Variants in SH3RF2 observed in about 807,000 individuals in gnomAD.
SH3RF2 encodes E3 ubiquitin-protein ligase SH3RF2.
In SH3RF2, 43 loss-of-function variants were observed where a neutral mutation model predicts 59.0. The observed-to-expected ratio is 0.73, with a 90% confidence interval of 0.57 to 0.94. The LOEUF (loss-of-function observed/expected upper bound fraction) is 0.94, where lower values mean the gene tolerates loss of function less well. Ranked by LOEUF, SH3RF2 falls within the 40% of genes least tolerant of loss-of-function variation. The probability of loss-of-function intolerance (pLI) is 0.00; values close to 1 mark genes in which losing one functional copy is unlikely to be tolerated. For missense variants in SH3RF2, 930 were observed against 940.1 expected (o/e 0.99, Z 0.14); for synonymous variants, 391 against 391.5 (o/e 1.00, Z 0.01).
intron 5 of SH3RF2, among the ~76,000 whole-genome samples, chr5:146,039,491 A>G (rs1762054010): frequency 6.6e-6 from 1 of 152,152 alleles, no homozygotes. Flanking sequence ...ATATTTGAAA[A>G]AAAAAAACAA....
intron 2 of SH3RF2, among the ~76,000 whole-genome samples, chr5:145,944,386 C>T (rs912601249): frequency 1.3e-5 from 2 of 149,326 alleles, no homozygotes; most frequent in Non-Finnish European, 1.5e-5. Flanking sequence ...GGTCTCATTC[C>T]GTCACAGTGC....
intron 5 of SH3RF2, among the ~76,000 whole-genome samples, chr5:146,028,816 A>G (rs1177093742): frequency 6.6e-6 from 1 of 152,202 alleles, no homozygotes; most frequent in African/African-American, 2.4e-5. Context: ...ACATGGGAGA[A>G]TAGAAGGGCT....
rs750353445 is a variant in SH3RF2 at position 146,047,807 on chromosome 5, A to G, written c.1095A>G (p.Gly365=). 1 of 1,614,120 alleles carries G rather than the reference A, an allele frequency of 6.2e-7. No homozygotes were observed. ...STYHPAPVSP[G]HSTAVVSLPG... ...ATCACCCCGCACCTGTCTCTCCAGG[A>G]CATTCCACAGCCGTGGTCAGTCTGC... The change falls in exon 6 of 10, where the codon GGA becomes GGG. Residue 365 remains glycine (G), a synonymous_variant. Coordinates refer to ENST00000359120, the MANE Select transcript of SH3RF2 (RefSeq NM_152550.4).
intron 2 of SH3RF2, among the ~76,000 whole-genome samples, chr5:145,944,172 G>A (rs529993103): frequency 3.4e-4 from 51 of 152,038 alleles, no homozygotes; most frequent in Non-Finnish European, 6.3e-4. Context: ...TAAAGGAAGT[G>A]TTCATCAAAG....
intron 5 of SH3RF2, among the ~76,000 whole-genome samples, chr5:146,046,048 C>T (rs2150013126): frequency 6.6e-6 from 1 of 152,284 alleles, no homozygotes; most frequent in African/African-American, 2.4e-5. Context: ...GTCACAATTA[C>T]ATACATGACC....
chr5:145,972,546 G>A (rs2149962930), intron 2 of SH3RF2, among the ~76,000 whole-genome samples: 1 of 152,278 alleles, frequency 6.6e-6, no homozygotes, highest in Middle Eastern at 3.4e-3. Context: ...CATTCACACG[G>A]CAATCATCAG....
intron 7 of SH3RF2, among the ~76,000 whole-genome samples, chr5:146,055,203 A>G (rs141691170): frequency 2.2e-4 from 33 of 152,384 alleles, no homozygotes; most frequent in African/African-American, 7.2e-4. Flanking sequence ...TCCTGCCACC[A>G]AATGATGAAT....
chr5:146,040,764 C>T (rs1000506104), intron 5 of SH3RF2, among the ~76,000 whole-genome samples: 2 of 152,148 alleles, frequency 1.3e-5, no homozygotes, highest in African/African-American at 4.8e-5. Flanking sequence ...CTGCTCCTTG[C>T]TCATCAAGAA....
At chr5:146,042,933 G>A (rs1162098011) in intron 5 of SH3RF2, 4 of 152,420 alleles carry the variant, frequency 2.6e-5, no homozygotes, top group Non-Finnish European at 4.4e-5. Context: ...GCATCAGTTG[G>A]TGGAGAACCT....
chr5:145,957,144 T>C (rs1278962179), intron 2 of SH3RF2, among the ~76,000 whole-genome samples: 1 of 152,256 alleles, frequency 6.6e-6, no homozygotes, highest in Non-Finnish European at 1.5e-5. Context: ...CAAACCAAAC[T>C]AATTTTAGAA....
At chr5:146,034,608 G>A (rs1187721047) in intron 5 of SH3RF2, among the ~76,000 whole-genome samples, 3 of 152,108 alleles carry the variant, frequency 2.0e-5, no homozygotes, top group African/African-American at 7.2e-5. Context: ...CCTATGAGAA[G>A]GAAAAATTGT....
At chr5:145,990,652 T>G (rs1026719370) in intron 2 of SH3RF2, among the ~76,000 whole-genome samples, 9 of 152,252 alleles carry the variant, frequency 5.9e-5, no homozygotes, top group African/African-American at 2.2e-4. Context: ...TCAAAATGAT[T>G]CCTCTTGTGG....
chr5:146,004,279 G>A lies in SH3RF2; in HGVS notation c.744+126G>A, dbSNP rs1039277192. 29 of 622,132 alleles carry A rather than the reference G, an allele frequency of 4.7e-5. No homozygotes were observed. The East Asian group carries it at 1.0e-3, about 22-fold the overall frequency. The allele number at this position is 622,132 out of a possible 1,614,324, so 38.5% of individuals were successfully genotyped here. ...TTCAGAACTAACTAAAATCTCTAAA[G>A]AAAAGATGCCAGACAATAATACCCA... On this transcript the variant is annotated intron_variant, in intron 4 of 9. Coordinates refer to ENST00000359120, the MANE Select transcript of SH3RF2 (RefSeq NM_152550.4).
At chr5:145,985,350 A>G (rs1206322557) in intron 2 of SH3RF2, among the ~76,000 whole-genome samples, 3 of 152,232 alleles carry the variant, frequency 2.0e-5, no homozygotes, top group Non-Finnish European at 1.5e-5. Flanking sequence ...AATTAAGTAA[A>G]CCACTTGAAA....
chr5:145,958,453 C>T (rs1053356218), intron 2 of SH3RF2, among the ~76,000 whole-genome samples: 2 of 152,186 alleles, frequency 1.3e-5, no homozygotes, highest in African/African-American at 4.8e-5. Context: ...CAAGCAAATT[C>T]TTCTCATGAC....
chr5:145,943,549 AC>A (rs1452447013), intron 2 of SH3RF2, among the ~76,000 whole-genome samples: 1 of 152,168 alleles, frequency 6.6e-6, no homozygotes, highest in Non-Finnish European at 1.5e-5. Context: ...TATTCACCTG[AC>A]CCACTCTGAT....
intron 2 of SH3RF2, chr5:145,997,782 T>A (rs1760226452): frequency 1.3e-5 from 21 of 1,564,900 alleles, no homozygotes; most frequent in Non-Finnish European, 1.8e-5. Flanking sequence ...AGTCACTCCC[T>A]AAACCTAAAG....
At chr5:145,979,484 A>G (rs1759429060) in intron 2 of SH3RF2, among the ~76,000 whole-genome samples, 1 of 152,218 alleles carries the variant, frequency 6.6e-6, no homozygotes, top group African/African-American at 2.4e-5. Context: ...GGGGCCTCAG[A>G]TAAGTTATCT....
Position 145,993,352 on chromosome 5 carries a change from G to A in SH3RF2, c.379-6706G>A, listed in dbSNP as rs551042164. Among the ~76,000 whole-genome samples, 547 of 152,226 alleles carry A rather than the reference G, an allele frequency of 3.6e-3. 3 individuals carry two copies. The highest frequency in any genetic ancestry group is 7.3e-3 in the African/African-American group (302 of 41,550). On this transcript the variant is annotated intron_variant, in intron 2 of 9. Transcript: ENST00000359120. ...TTCTGTGGTCTGGAGGATGGTGGCC[G>A]TCTTCTCACAGCTCCACTAGGCAGT... is the stretch of plus-strand genomic sequence containing the variant.
Sources: gnomAD v4.1 joint callset for allele counts (sites outside exome capture counted in the v4.1 genomes callset) on GRCh38, gnomAD v4.1.1 for gene constraint, MANE v1.5 for transcripts, NCBI Gene and HGNC (gene_info 2026-07-23, HGNC 2026-07-21) for gene names.